MYPN: variants seen among roughly 807,000 people sequenced by gnomAD.
MYPN encodes sarcomeric protein myopalladin, 145 kDa (MYOP).
Under a neutral mutation model 129.4 loss-of-function variants are expected in MYPN, and 63 were observed. The ratio of observed to expected loss-of-function variants is 0.49; its 90% CI spans 0.40 to 0.60. The LOEUF is 0.60. Among genes scored for constraint, MYPN ranks in the 20% least tolerant of loss-of-function variants. The pLI is 0.00. For synonymous variants in MYPN, 629 were observed against 600.9 expected (o/e 1.05, Z -0.68); for missense variants, 1,596 against 1,635.4 (o/e 0.98, Z 0.42).
At chr10:68,185,863 G>A (rs377365298) in intron 12 of MYPN, among the ~76,000 whole-genome samples, 61 of 152,170 alleles carry the variant, frequency 4.0e-4, no homozygotes, top group East Asian at 3.5e-3. Flanking sequence ...TTTTAAACTG[G>A]CAAGTCTAGA....
intron 19 of MYPN, 54 bp from the exon 20 acceptor site, chr10:68,210,232 A>G: frequency 6.3e-7 from 1 of 1,595,282 alleles, no homozygotes; most frequent in Non-Finnish European, 8.6e-7. Context: ...TCTGCAGCGT[A>G]CATGCTGGAC....
rs1048512621 is a variant in MYPN, at chr10:68,121,547, C to T, written c.109C>T (p.Pro37Ser). The T allele has an allele frequency of 6.2e-7, 1 of 1,614,180 alleles. No individual in the cohort carries two copies. Among genetic ancestry groups the T allele is most frequent in the Non-Finnish European group, 8.5e-7 (1 of 1,180,030 alleles). Reference sequence around the variant, plus strand: ...AAACAATGAGAGGAGTCGAGCGGAGCCCTCCTCCAACCCTTGCCATTTCGG... The same window carrying T: ...AAACAATGAGAGGAGTCGAGCGGAGTCCTCCTCCAACCCTTGCCATTTCGG... ...RGNNERSRAEPSSNPCHFGSP... is the reference protein window; with the variant it reads ...RGNNERSRAESSSNPCHFGSP... Residue 37 changes from proline (P) to serine (S), a missense_variant, in exon 2 of 20, where the codon CCC (proline) becomes TCC (serine). Transcript: ENST00000358913.
chr10:68,200,052 G>C (rs2043683392), intron 17 of MYPN, among the ~76,000 whole-genome samples: 1 of 152,122 alleles, frequency 6.6e-6, no homozygotes, highest in Admixed American at 6.6e-5. Flanking sequence ...GATCCACCAG[G>C]CACAAATACC....
intron 3 of MYPN, 105 bp downstream of exon 3, chr10:68,143,220 A>G: frequency 2.7e-6 from 3 of 1,098,018 alleles, no homozygotes; most frequent in Non-Finnish European, 4.0e-6. Context: ...CTTCTAGGCA[A>G]TGAGGATACA....
rs1050485454 is a variant in MYPN at position 68,109,700 on chromosome 10, T to C, written c.-25T>C. 2 of 453,826 alleles carry C rather than the reference T, an allele frequency of 4.4e-6. No individual in the cohort carries two copies. Among genetic ancestry groups the C allele is most frequent in the African/African-American group, 4.0e-5 (2 of 49,982 alleles). 28.1% of individuals were successfully genotyped at this position (453,826 alleles called of 1,614,324 possible). A position where few individuals can be genotyped will look rare whatever the true frequency, so the allele number is the denominator to read the frequency against. ...GGAGTGCCTGGATTGGACATCCTCA[T>C]CTGGGTCAACTAAAAAAAGAAAGGT... On this transcript the variant is annotated 5_prime_UTR_variant, in exon 1 of 20. Coordinates refer to ENST00000358913, the MANE Select transcript of MYPN (RefSeq NM_032578.4).
upstream of MYPN, among the ~76,000 whole-genome samples, chr10:68,101,583 T>C (rs2041982231): frequency 6.6e-6 from 1 of 152,220 alleles, no homozygotes; most frequent in Non-Finnish European, 1.5e-5. Flanking sequence ...TTGCTTAATA[T>C]AAGCTTTCAT....
chr10:68,173,901 A>G (rs2043183001), intron 10 of MYPN, among the ~76,000 whole-genome samples, 165 bp from the exon 11 acceptor site: 1 of 150,700 alleles, frequency 6.6e-6, no homozygotes, highest in Non-Finnish European at 1.5e-5. Flanking sequence ...TCCTGGACTC[A>G]AGTGATCCAC....
intron 12 of MYPN, among the ~76,000 whole-genome samples, chr10:68,185,779 AATATCAATTTAGAATC>A (rs929963204): frequency 7.9e-5 from 12 of 152,260 alleles, no homozygotes; most frequent in Admixed American, 1.3e-4. Flanking sequence ...AAAGAAAAGT[AATATCAATTTAGAATC>A]ATATCAATTT....
chr10:68,169,891 C>T (rs1326534333), intron 10 of MYPN, among the ~76,000 whole-genome samples: 2 of 152,062 alleles, frequency 1.3e-5, no homozygotes, highest in Non-Finnish European at 2.9e-5. Flanking sequence ...AGGTGCACAC[C>T]ACCACGCCTG....
rs754707304 is a variant in MYPN, at chr10:68,197,464, C to T, written c.3271C>T (p.Arg1091Trp). The change falls in exon 16 of 20, where the codon CGG becomes TGG. Residue 1091 changes from arginine to tryptophan, a missense_variant. Coordinates refer to ENST00000358913, the MANE Select transcript of MYPN (RefSeq NM_032578.4). ...GGTAGCTCATGAGGGGCGCCTCTGT[C>T]GGCTGGACTGTAAGGTAGACTCCAG... Reference protein sequence around the residue: ...DMVAHEGRLCRLDCKVSGLPP... With the variant: ...DMVAHEGRLCWLDCKVSGLPP... 1.5e-5 allele frequency: 25 copies of T among 1,613,696 alleles called. No individual in the cohort carries two copies. Among genetic ancestry groups the T allele is most frequent in the South Asian group, 3.3e-5 (3 of 91,032 alleles).
chr10:68,125,740 A>G (rs1335787449), intron 2 of MYPN, among the ~76,000 whole-genome samples: 2 of 152,220 alleles, frequency 1.3e-5, no homozygotes, highest in Admixed American at 1.3e-4. Context: ...TGAACTTTGA[A>G]TAGTGAAAAT....
chr10:68,131,686 C>T (rs1045868395), intron 2 of MYPN, among the ~76,000 whole-genome samples: 4 of 152,030 alleles, frequency 2.6e-5, no homozygotes, highest in African/African-American at 4.8e-5. Context: ...CCTTCATAGG[C>T]GGTATTCTTT....
chr10:68,121,322 A>T, intron 1 of MYPN, 116 bp from the exon 2 acceptor site: 1 of 861,922 alleles, frequency 1.2e-6, no homozygotes, highest in Non-Finnish European at 1.8e-6. Context: ...TATTAAAATT[A>T]GGCAATTCTT....
intron 5 of MYPN, 81 bp from the exon 6 acceptor site, chr10:68,149,959 A>G: frequency 7.4e-7 from 1 of 1,343,898 alleles, no homozygotes; most frequent in Non-Finnish European, 1.1e-6. Flanking sequence ...TCATATACCA[A>G]ATTCTATAGG....
rs1349144811 is a variant in MYPN at position 68,145,666 on chromosome 10, C to T, written c.1130+140C>T. On this transcript the variant is annotated intron_variant, in intron 4 of 19. Transcript: ENST00000358913. ...AAAAATAAATAAATAAACAAACAAACAAACAAACAAATTGAGTGGATTTGA... is the reference window on the plus strand; with the variant it reads ...AAAAATAAATAAATAAACAAACAAATAAACAAACAAATTGAGTGGATTTGA... 5 of 717,460 alleles carry T rather than the reference C, an allele frequency of 7.0e-6. No individual in the cohort carries two copies. The African/African-American group carries it at 7.3e-5, about 10-fold the overall frequency. 44.4% of individuals were successfully genotyped at this position (717,460 alleles called of 1,614,324 possible).
intron 1 of MYPN, among the ~76,000 whole-genome samples, chr10:68,118,889 G>T (rs1589525663): frequency 9.2e-6 from 1 of 108,740 alleles, no homozygotes; most frequent in Non-Finnish European, 1.9e-5. Flanking sequence ...AAGGAAGGAA[G>T]GAAGGAAGGA....
chr10:68,131,337 C>T (rs922226665), intron 2 of MYPN, among the ~76,000 whole-genome samples: 6 of 150,878 alleles, frequency 4.0e-5, no homozygotes, highest in Non-Finnish European at 8.8e-5. Context: ...TGCAGTGAGC[C>T]GAGATCGTGT....
intron 7 of MYPN, among the ~76,000 whole-genome samples, chr10:68,159,363 T>C (rs1326608300): frequency 6.6e-6 from 1 of 152,244 alleles, no homozygotes; most frequent in Admixed American, 6.5e-5. Context: ...CAATGAGTGT[T>C]AACCATTTTA....
upstream of MYPN, chr10:68,106,463 C>T (rs2042014135): frequency 2.0e-6 from 1 of 490,350 alleles, no homozygotes; most frequent in Non-Finnish European, 3.7e-6. Flanking sequence ...AAGAACTTGT[C>T]TTTGCTGTGA....
Sources: gnomAD v4.1 joint callset for allele counts (sites outside exome capture counted in the v4.1 genomes callset) on GRCh38, gnomAD v4.1.1 for gene constraint, MANE v1.5 for transcripts, NCBI Gene and HGNC (gene_info 2026-07-23, HGNC 2026-07-21) for gene names.